The following TMEM135 variants were observed in gnomAD, a reference collection of about 807,000 sequenced individuals.
TMEM135 encodes the protein transmembrane protein 135, also known as peroxisomal membrane protein 52.
In TMEM135, 30 loss-of-function variants were observed where a neutral mutation model predicts 60.3. The observed-to-expected ratio is 0.50, with a 90% CI of 0.37 to 0.68. The LOEUF (loss-of-function observed/expected upper bound fraction) is 0.68. Ranked by LOEUF, TMEM135 falls within the 30% of genes least tolerant of loss-of-function variation. The pLI, the probability that TMEM135 is intolerant of heterozygous loss-of-function variation, is 0.00. For missense variants in TMEM135, 468 were observed against 548.8 expected, an observed-to-expected ratio of 0.85 and a Z score of 1.47; for synonymous variants, 190 against 186.7, an observed-to-expected ratio of 1.02 and a Z score of -0.14.
intron 4 of TMEM135, among the ~76,000 whole-genome samples, chr11:87,116,693 G>A (rs1395509206): frequency 1.3e-5 from 2 of 151,662 alleles, no homozygotes; most frequent in African/African-American, 4.8e-5. Context: ...AGATATCATG[G>A]GTTTGGATCT....
intron 4 of TMEM135, among the ~76,000 whole-genome samples, chr11:87,099,152 A>G (rs964784298): frequency 6.6e-6 from 1 of 152,152 alleles, no homozygotes; most frequent in African/African-American, 2.4e-5. Context: ...GTGTACTTCA[A>G]TACCCAAATA....
At chr11:87,113,575 T>C (rs1857806540) in intron 4 of TMEM135, among the ~76,000 whole-genome samples, 1 of 152,076 alleles carries the variant, frequency 6.6e-6, no homozygotes, top group African/African-American at 2.4e-5. Context: ...CTGGTAAACA[T>C]GAAGAGACAA....
intron 5 of TMEM135, among the ~76,000 whole-genome samples, chr11:87,168,483 C>G (rs570951318): frequency 1.3e-5 from 2 of 151,994 alleles, no homozygotes; most frequent in Non-Finnish European, 2.9e-5. Flanking sequence ...TAGCTGTGTC[C>G]CAGAGATTCT....
At chr11:87,058,220 C>T (rs1949911729) in intron 1 of TMEM135, among the ~76,000 whole-genome samples, 1 of 152,204 alleles carries the variant, frequency 6.6e-6, no homozygotes, top group South Asian at 2.1e-4. Context: ...CCCAGAATAT[C>T]ATTTGACCAA....
intron 1 of TMEM135, among the ~76,000 whole-genome samples, chr11:87,044,424 A>T (rs10898586): frequency 0.098 from 14,974 of 152,048 alleles, 857 homozygotes; most frequent in East Asian, 0.17. Context: ...AAAATAAAAT[A>T]AGAAACCCTG....
At chr11:87,283,040 G>A (rs923959561) in intron 6 of TMEM135, among the ~76,000 whole-genome samples, 2 of 151,966 alleles carry the variant, frequency 1.3e-5, no homozygotes, top group African/African-American at 2.4e-5. Context: ...CAGCTAATCA[G>A]AAAATAGTAG....
At chr11:87,107,095 T>C (rs183078842) in intron 4 of TMEM135, among the ~76,000 whole-genome samples, 2 of 152,272 alleles carry the variant, frequency 1.3e-5, no homozygotes, top group South Asian at 2.1e-4. Flanking sequence ...ACTTGTAGCA[T>C]TGAGGATTGC....
intron 6 of TMEM135, among the ~76,000 whole-genome samples, chr11:87,263,760 T>A (rs1256331252): frequency 6.6e-6 from 1 of 151,974 alleles, no homozygotes; most frequent in South Asian, 2.1e-4. Flanking sequence ...ACGTGAAAAA[T>A]TTTTGTAGCT....
intron 4 of TMEM135, among the ~76,000 whole-genome samples, chr11:87,147,014 G>T (rs1938434259): frequency 6.6e-6 from 1 of 152,034 alleles, no homozygotes; most frequent in South Asian, 2.1e-4. Flanking sequence ...GTGATTAAAG[G>T]TATTGTAAGA....
intron 4 of TMEM135, among the ~76,000 whole-genome samples, chr11:87,153,481 A>T (rs747847332): frequency 1.3e-5 from 2 of 152,204 alleles, no homozygotes; most frequent in Non-Finnish European, 2.9e-5. Context: ...TGTAATATCC[A>T]TACTGGCTAT....
At chr11:87,301,368 G>T (rs527250162) in intron 7 of TMEM135, among the ~76,000 whole-genome samples, 1 of 151,876 alleles carries the variant, frequency 6.6e-6, no homozygotes, top group Non-Finnish European at 1.5e-5. Flanking sequence ...ATCCTCCCAC[G>T]TCAGCCTCCC....
At chr11:87,159,512 A>T (rs1178386796) in intron 5 of TMEM135, among the ~76,000 whole-genome samples, 1 of 152,014 alleles carries the variant, frequency 6.6e-6, no homozygotes, top group African/African-American at 2.4e-5. Context: ...ATAGGCCACT[A>T]ATTAGTTTTA....
chr11:87,126,792 C>T (rs1157385879), intron 4 of TMEM135, among the ~76,000 whole-genome samples: 2 of 152,008 alleles, frequency 1.3e-5, no homozygotes, highest in Admixed American at 6.6e-5. Context: ...GTTTTAATTA[C>T]TAAGTAGGTG....
At chr11:87,058,773 C>G (rs1489950142) in intron 1 of TMEM135, among the ~76,000 whole-genome samples, 1 of 146,686 alleles carries the variant, frequency 6.8e-6, no homozygotes, top group Non-Finnish European at 1.5e-5. Context: ...GCGCCCACCA[C>G]CATGCCCGGC....
chr11:87,159,017 G>A (rs1273101606), intron 5 of TMEM135, among the ~76,000 whole-genome samples: 1 of 152,134 alleles, frequency 6.6e-6, no homozygotes, highest in Non-Finnish European at 1.5e-5. Flanking sequence ...TTAGGGAAAT[G>A]TATGCAGCAC....
chr11:87,071,686 T>G (rs2513239), intron 3 of TMEM135, 71 bp downstream of exon 3: 313,581 of 1,168,412 alleles, frequency 0.27, 47,553 homozygotes, highest in East Asian at 0.59. Context: ...TTTTTTTTTT[T>G]TAATTATCAC....
intron 6 of TMEM135, among the ~76,000 whole-genome samples, chr11:87,265,609 G>A (rs759983692): frequency 2.6e-5 from 4 of 151,824 alleles, no homozygotes; most frequent in Non-Finnish European, 4.4e-5. Context: ...ATATTTGAAC[G>A]TTCTCTTAAA....
intron 1 of TMEM135, among the ~76,000 whole-genome samples, chr11:87,064,183 ATG>A (rs1346617282): frequency 1.3e-5 from 2 of 151,274 alleles, no homozygotes; most frequent in African/African-American, 4.9e-5. Context: ...AGCCATTCTA[ATG>A]TGTGTGTGGT....
At chr11:87,112,025 A>T (rs1346674562) in intron 4 of TMEM135, among the ~76,000 whole-genome samples, 1 of 152,210 alleles carries the variant, frequency 6.6e-6, no homozygotes, top group Non-Finnish European at 1.5e-5. Flanking sequence ...GGCTTTTTAA[A>T]TAGTGATACC....
Sources: gnomAD v4.1 joint callset for allele counts (sites outside exome capture counted in the v4.1 genomes callset) on GRCh38, gnomAD v4.1.1 for gene constraint, MANE v1.5 for transcripts, NCBI Gene and HGNC (gene_info 2026-07-23, HGNC 2026-07-21) for gene names.